PTPRN2: variants seen among roughly 807,000 people sequenced by gnomAD.
PTPRN2 encodes protein tyrosine phosphatase receptor type N2.
In PTPRN2, 74 loss-of-function variants were observed where a neutral mutation model predicts 118.8. That is an observed-to-expected ratio of 0.62 (90% confidence interval 0.52 to 0.76). The LOEUF (loss-of-function observed/expected upper bound fraction) is 0.76. Ranked by LOEUF, PTPRN2 falls within the 30% of genes least tolerant of loss-of-function variation. The probability of loss-of-function intolerance (pLI) is 0.00; values close to 1 mark genes in which losing one functional copy is unlikely to be tolerated. For missense variants in PTPRN2, 1,481 were observed against 1,394.4 expected, an observed-to-expected ratio of 1.06 and a Z score of -0.99; for synonymous variants, 641 against 608.0, an observed-to-expected ratio of 1.05 and a Z score of -0.80.
At chr7:158,054,964 C>T (rs1563367893) in intron 11 of PTPRN2, among the ~76,000 whole-genome samples, 2 of 152,218 alleles carry the variant, frequency 1.3e-5, no homozygotes, top group African/African-American at 2.4e-5. Flanking sequence ...TCTGCCCAGC[C>T]GTCCCCTTCA....
At chr7:157,875,042 C>T (rs965835295) in intron 12 of PTPRN2, among the ~76,000 whole-genome samples, 10 of 151,876 alleles carry the variant, frequency 6.6e-5, no homozygotes, top group African/African-American at 9.7e-5. Context: ...GACACACACA[C>T]GCGCACACAC....
rs1236850013 is a variant in PTPRN2 at position 157,893,414 on chromosome 7, G to A, written c.1788+5259C>T. On this transcript the variant is annotated intron_variant, in intron 12 of 22. Coordinates refer to ENST00000389418, the MANE Select transcript of PTPRN2 (RefSeq NM_002847.5). The surrounding 1 kb of genome is among the most constrained non-coding windows in gnomAD (Gnocchi z 4.0). ...AGGGAGAACCTTCCTTCCCACATAT[G>A]AGATGGGTGGGCATCAGGAGTGGGC... 1.3e-5 allele frequency among the ~76,000 whole-genome samples: 2 copies of A among 152,230 alleles called. No individual in the cohort carries two copies. The highest frequency in any genetic ancestry group is 2.9e-5 in the Non-Finnish European group (2 of 68,038).
Position 157,937,794 on chromosome 7 carries a change from A to T in PTPRN2, c.1724-39057T>A, listed in dbSNP as rs181440908. On this transcript the variant is annotated intron_variant, in intron 11 of 22. Coordinates refer to ENST00000389418, the MANE Select transcript of PTPRN2 (RefSeq NM_002847.5). ...ACAAAGACACCACAGAGTCTGTCTG[A>T]ACAGTCCTGCGTATCTGCAATCTGC... Among the ~76,000 whole-genome samples the T allele has an allele frequency of 9.2e-5, 14 of 152,332 alleles. No individual in the cohort carries two copies. The East Asian group carries it at 2.7e-3, about 29-fold the overall frequency.
At chr7:158,031,753 C>T (rs985816217) in intron 11 of PTPRN2, among the ~76,000 whole-genome samples, 3 of 152,156 alleles carry the variant, frequency 2.0e-5, no homozygotes, top group African/African-American at 7.2e-5. Context: ...AGGTTAAGAG[C>T]TGGTAAATAA....
chr7:158,528,420 C>T (rs1824954593), intron 1 of PTPRN2, among the ~76,000 whole-genome samples: 1 of 152,196 alleles, frequency 6.6e-6, no homozygotes. Flanking sequence ...TACAAAGCGT[C>T]ACCTGGTGTA....
chr7:158,234,927 T>C (rs1009485085), intron 3 of PTPRN2, among the ~76,000 whole-genome samples: 1 of 152,184 alleles, frequency 6.6e-6, no homozygotes, highest in Admixed American at 6.5e-5. Flanking sequence ...CACACCCGGC[T>C]AATTTTTTGT....
intron 2 of PTPRN2, among the ~76,000 whole-genome samples, chr7:158,385,453 G>C (rs944210952): frequency 7.2e-5 from 11 of 152,216 alleles, no homozygotes; most frequent in Non-Finnish European, 2.9e-5. Flanking sequence ...AGCAAGCAAA[G>C]AGAGCTGTTT....
intron 6 of PTPRN2, among the ~76,000 whole-genome samples, chr7:158,152,402 A>G (rs539645836): frequency 6.6e-6 from 1 of 152,288 alleles, no homozygotes; most frequent in East Asian, 1.9e-4. Context: ...AGCAGTGAGC[A>G]CTAAGGCCGT....
chr7:158,423,199 A>C (rs1200927958), intron 2 of PTPRN2, among the ~76,000 whole-genome samples: 3 of 152,272 alleles, frequency 2.0e-5, no homozygotes, highest in African/African-American at 7.2e-5. Flanking sequence ...TCTGGGAAAC[A>C]AGCAAGAAAC....
At chr7:157,812,147 C>T (rs950897857) in intron 12 of PTPRN2, among the ~76,000 whole-genome samples, 1 of 152,176 alleles carries the variant, frequency 6.6e-6, no homozygotes, top group Non-Finnish European at 1.5e-5. Context: ...GAGCAGAGGG[C>T]AGTGTCTGCT....
chr7:158,270,176 A>G (rs1798214882), intron 3 of PTPRN2, among the ~76,000 whole-genome samples: 2 of 152,226 alleles, frequency 1.3e-5, no homozygotes, highest in Non-Finnish European at 1.5e-5. Flanking sequence ...GGACACCTGA[A>G]CTGGTCAGGC....
At chr7:157,621,300 T>TCA (rs1366768984) in intron 15 of PTPRN2, 62 bp downstream of exon 15, 1 of 1,568,800 alleles carries the variant, frequency 6.4e-7, no homozygotes, top group Non-Finnish European at 8.6e-7. Context: ...TATGTACAGG[T>TCA]CAGCACGGCC....
chr7:157,909,392 G>A (rs893334327), intron 11 of PTPRN2, among the ~76,000 whole-genome samples: 3 of 152,222 alleles, frequency 2.0e-5, no homozygotes, highest in African/African-American at 7.2e-5. Context: ...ACACTGGGGG[G>A]GGGAGGATGC....
At chr7:158,369,007 G>A (rs990523139) in intron 2 of PTPRN2, among the ~76,000 whole-genome samples, 1 of 152,140 alleles carries the variant, frequency 6.6e-6, no homozygotes, top group Non-Finnish European at 1.5e-5. Flanking sequence ...CCCACCCTCA[G>A]TCTGGGTGGG....
intron 11 of PTPRN2, among the ~76,000 whole-genome samples, chr7:158,046,273 G>A (rs1271417292): frequency 1.3e-5 from 2 of 148,704 alleles, no homozygotes; most frequent in East Asian, 4.1e-4. Context: ...TTCTGTCCAG[G>A]AGCAGAAACT....
At chr7:157,654,213 T>C (rs1404963811) in intron 14 of PTPRN2, among the ~76,000 whole-genome samples, 4 of 35,408 alleles carry the variant, frequency 1.1e-4, no homozygotes, top group African/African-American at 2.4e-4. Flanking sequence ...ACACGACGCC[T>C]GCCGCTTCCC....
At chr7:158,182,943 C>A (rs1454234002) in intron 5 of PTPRN2, among the ~76,000 whole-genome samples, 2 of 152,148 alleles carry the variant, frequency 1.3e-5, no homozygotes, top group South Asian at 2.1e-4. Context: ...TCACATCTAG[C>A]AGTAATTATT....
At position 157,591,494 on chromosome 7, in the gene PTPRN2, G is replaced by A. The variant is rs1401215844; in HGVS notation, c.2496+3744C>T. Among the ~76,000 whole-genome samples the A allele has an allele frequency of 4.6e-5, 7 of 152,200 alleles. No homozygotes were observed. The highest frequency in any genetic ancestry group is 1.3e-4 in the Admixed American group (2 of 15,280). ...TGTTGACTTCGTCATCACCAACTTC[G>A]CATTTCAAATCCACCTTTGTCCTTA... On this transcript the variant is annotated intron_variant, in intron 17 of 22. Transcript: ENST00000389418. The surrounding 1 kb of genome is among the most constrained non-coding windows in gnomAD (Gnocchi z 4.4).
chr7:158,155,613 T>C (rs558637902), intron 6 of PTPRN2, among the ~76,000 whole-genome samples: 3 of 151,158 alleles, frequency 2.0e-5, no homozygotes, highest in Non-Finnish European at 3.0e-5. Context: ...ACCATCACCA[T>C]CAACACTATC....
Sources: gnomAD v4.1 joint callset for allele counts (sites outside exome capture counted in the v4.1 genomes callset) on GRCh38, gnomAD v4.1.1 for gene constraint, Gnocchi (gnomAD v3.1) non-coding constraint, MANE v1.5 for transcripts, NCBI Gene and HGNC (gene_info 2026-07-23, HGNC 2026-07-21) for gene names.